The following RPH3AL variants were observed in gnomAD, a reference collection of about 807,000 sequenced individuals.
RPH3AL encodes rab effector Noc2.
Under a neutral mutation model 43.1 loss-of-function variants are expected in RPH3AL, and 38 were observed. That is an observed-to-expected ratio of 0.88 (90% CI 0.68 to 1.15). RPH3AL has a LOEUF of 1.15. RPH3AL is among the 50% of genes most tolerant of loss of function. The pLI is 0.00. For synonymous variants in RPH3AL, 189 were observed against 176.3 expected, an observed-to-expected ratio of 1.07 and a Z score of -0.57; for missense variants, 462 against 423.2, an observed-to-expected ratio of 1.09 and a Z score of -0.81.
intron 7 of RPH3AL, among the ~76,000 whole-genome samples, chr17:229,782 C>T (rs565582788): frequency 6.6e-6 from 1 of 151,956 alleles, no homozygotes; most frequent in South Asian, 2.1e-4. Flanking sequence ...TTGGGGGAAA[C>T]ACGCTCTTCC....
chr17:270,698 A>G (rs1356026575), intron 6 of RPH3AL, among the ~76,000 whole-genome samples: 3 of 152,114 alleles, frequency 2.0e-5, no homozygotes, highest in African/African-American at 7.2e-5. Flanking sequence ...AAAGAAAAAA[A>G]AAAAAAATTT....
chr17:330,542 A>T (rs1315254318), intron 2 of RPH3AL, among the ~76,000 whole-genome samples: 1 of 152,238 alleles, frequency 6.6e-6, no homozygotes, highest in East Asian at 1.9e-4. Context: ...ACTGCTCCAC[A>T]TGGGTGTACA....
intron 2 of RPH3AL, chr17:331,345 G>A: frequency 7.3e-5 from 4 of 54,848 alleles, no homozygotes; most frequent in Non-Finnish European, 7.6e-5. Context: ...CTCCAGAGCT[G>A]GGGCCACGGG....
Position 321,256 on chromosome 17 carries a change from C to T in RPH3AL, c.221+16G>A, listed in dbSNP as rs761492757. 1.4e-5 allele frequency: 22 copies of T among 1,601,312 alleles called. No homozygotes were observed. The Admixed American group carries it at 2.5e-4, about 18-fold the overall frequency. ...CTTGCTGTCCTCCCACTGAGCTGGC[C>T]CCGGCCCCGCCTCACCCGATTCTCT... On this transcript the variant is annotated intron_variant, in intron 4 of 9. Transcript: ENST00000331302.
chr17:252,850 T>C (rs2041941793), intron 6 of RPH3AL, among the ~76,000 whole-genome samples: 1 of 152,256 alleles, frequency 6.6e-6, no homozygotes, highest in Non-Finnish European at 1.5e-5. Context: ...AAATCTGAAA[T>C]GCTCCAGTGA....
At chr17:262,815 G>A (rs955290424) in intron 6 of RPH3AL, among the ~76,000 whole-genome samples, 20 of 152,096 alleles carry the variant, frequency 1.3e-4, no homozygotes, top group African/African-American at 4.6e-4. Flanking sequence ...ACACAACTAG[G>A]GACAGCCCCT....
Position 333,517 on chromosome 17 carries a change from C to T in RPH3AL, c.-37+242G>A, listed in dbSNP as rs1598153891. 2 of 336,776 alleles carry T rather than the reference C, an allele frequency of 5.9e-6. No homozygotes were observed. Among genetic ancestry groups the T allele is most frequent in the East Asian group, 7.5e-5 (1 of 13,322 alleles). The allele number at this position is 336,776 out of a possible 1,614,324, so 20.9% of individuals were successfully genotyped here. ...GCTGCTTGCTGGTTTTTTAAACCAC[C>T]TTGTGCTTTCCCACAGTATTAAAGT... On this transcript the variant is annotated intron_variant, in intron 2 of 9. Transcript: ENST00000331302. The surrounding 1 kb of genome is among the most constrained non-coding windows in gnomAD (Gnocchi z 4.5).
intron 5 of RPH3AL, among the ~76,000 whole-genome samples, chr17:301,151 A>G (rs1429173584): frequency 1.3e-5 from 2 of 152,276 alleles, no homozygotes; most frequent in East Asian, 3.8e-4. Context: ...TAGGGGCTGC[A>G]ATCCCTTCCC....
intron 7 of RPH3AL, among the ~76,000 whole-genome samples, chr17:235,708 AAAGC>A: frequency 1.8e-5 from 1 of 55,804 alleles, no homozygotes; most frequent in Admixed American, 2.0e-4. Flanking sequence ...TCCCGGGTTC[AAAGC>A]TGGGGTCAGC....
In RPH3AL at chr17:212,651, C is replaced by G. The variant is rs1597858778; in HGVS notation, c.*1201G>C. The G allele has an allele frequency of 6.6e-6, 1 of 152,038 alleles. No individual in the cohort carries two copies. The highest frequency in any genetic ancestry group is 1.5e-5 in the Non-Finnish European group (1 of 68,002). The allele number at this position is 152,038 out of a possible 1,614,324, so 9.4% of individuals were successfully genotyped here. Reference sequence around the variant, plus strand: ...AGAAGGCCCTTCCAGACCCAGGAACCCGGGGTTTGGGGCAGGAGGCAGGAA... The same window carrying G: ...AGAAGGCCCTTCCAGACCCAGGAACGCGGGGTTTGGGGCAGGAGGCAGGAA... On this transcript the variant is annotated 3_prime_UTR_variant, in exon 10 of 10. Coordinates refer to ENST00000331302, the MANE Select transcript of RPH3AL (RefSeq NM_006987.4).
At chr17:233,889 TTCCCCCAAGCGGGGAGCGGCTACTTA>T (rs2041291723) in intron 7 of RPH3AL, among the ~76,000 whole-genome samples, 75 of 38,898 alleles carry the variant, frequency 1.9e-3, no homozygotes, top group Non-Finnish European at 2.2e-3. Context: ...CTGACCAACT[TTCCCCCAAGCGGGGAGCGGCTACTTA>T]CCCTGACCAA....
chr17:293,377 C>T (rs887430312), intron 5 of RPH3AL, among the ~76,000 whole-genome samples: 3 of 151,826 alleles, frequency 2.0e-5, no homozygotes, highest in African/African-American at 7.3e-5. Context: ...TTGGACGGGG[C>T]TTCGGATCAT....
chr17:258,268 A>G (rs550479330), intron 6 of RPH3AL, among the ~76,000 whole-genome samples: 139 of 152,252 alleles, frequency 9.1e-4, no homozygotes, highest in Non-Finnish European at 1.8e-3. Context: ...TGTTTCTTCA[A>G]GCTCCTAGCA....
rs150931584 is a variant in RPH3AL at position 323,361 on chromosome 17, G to A, written c.78-1946C>T. ...CGGGGCAGCAGGGCAGGGCTGGAAG[G>A]GGGGCAAGGCCAGTAGAGTGGGCAG... is the stretch of plus-strand genomic sequence containing the variant. On this transcript the variant is annotated intron_variant, in intron 3 of 9. Transcript: ENST00000331302. This position sits in a 1 kb window ranked among gnomAD's most constrained non-coding sequence, Gnocchi z 4.4. Among the ~76,000 whole-genome samples the A allele has an allele frequency of 1.3e-4, 20 of 152,160 alleles. No homozygotes were observed. Among genetic ancestry groups the A allele is most frequent in the Non-Finnish European group, 2.1e-4 (14 of 68,024 alleles).
chr17:310,996 C>T (rs1022689549), intron 5 of RPH3AL, among the ~76,000 whole-genome samples: 16 of 152,034 alleles, frequency 1.1e-4, no homozygotes, highest in Middle Eastern at 6.8e-3. Flanking sequence ...ACTGCTCAAA[C>T]GCAGTTCATC....
rs1401617028 is a variant in RPH3AL at position 245,344 on chromosome 17, AGTGT to A, written c.613+1763_613+1766del. ...ATGTCAGTGTGTGTGTGTGGATGTG[AGTGT>A]GTATGTGGATGTCAGTGTGTGTGTG... is the stretch of plus-strand genomic sequence containing the variant. On this transcript the variant is annotated intron_variant, in intron 7 of 9. Transcript: ENST00000331302. This position sits in a 1 kb window ranked among gnomAD's most constrained non-coding sequence, Gnocchi z 5.9. Among the ~76,000 whole-genome samples, 2 of 103,552 alleles carry A rather than the reference AGTGT, an allele frequency of 1.9e-5. No individual in the cohort carries two copies. The highest frequency in any genetic ancestry group is 3.8e-5 in the African/African-American group (1 of 26,428). The allele number at this position is 103,552 out of a possible 152,430, so 67.9% of individuals were successfully genotyped here.
rs138244854 is a variant in RPH3AL at position 244,185 on chromosome 17, A to G, written c.613+2926T>C. Among the ~76,000 whole-genome samples, 881 of 141,554 alleles carry G rather than the reference A, an allele frequency of 6.2e-3. 10 individuals are homozygous for G. Among genetic ancestry groups the G allele is most frequent in the African/African-American group, 0.023 (840 of 37,122 alleles). 92.9% of individuals were successfully genotyped at this position (141,554 alleles called of 152,430 possible). The stretch of plus-strand genomic sequence containing the variant: ...CTTCCTCTATTGATTCCCTTCCTCT[A>G]TTGATTACCCTTCCTCTATTGATCA... On this transcript the variant is annotated intron_variant, in intron 7 of 9. Coordinates refer to ENST00000331302, the MANE Select transcript of RPH3AL (RefSeq NM_006987.4).
chr17:275,471 G>A (rs770772908), intron 6 of RPH3AL, among the ~76,000 whole-genome samples: 10 of 152,048 alleles, frequency 6.6e-5, no homozygotes, highest in Non-Finnish European at 1.5e-5. Flanking sequence ...GCAGAACTAA[G>A]CATGGGGACG....
intron 7 of RPH3AL, among the ~76,000 whole-genome samples, chr17:244,705 G>A (rs2151540349): frequency 6.6e-6 from 1 of 152,276 alleles, no homozygotes; most frequent in African/African-American, 2.4e-5. Context: ...TACTGCAAGA[G>A]CATGGGGCCA....
Sources: allele counts gnomAD v4.1 joint callset (sites outside exome capture counted in the v4.1 genomes callset), GRCh38; gene constraint gnomAD v4.1.1; non-coding constraint Gnocchi (gnomAD v3.1); transcripts MANE v1.5; gene names NCBI Gene and HGNC (gene_info 2026-07-23, HGNC 2026-07-21).